The following MYO18B variants were observed in gnomAD, a reference collection of about 807,000 sequenced individuals.
The protein encoded by MYO18B is myosin XVIIIB, also known as unconventional myosin-XVIIIb.
A neutral mutation model predicts 273.0 loss-of-function variants in MYO18B; 204 were observed. The ratio of observed to expected loss-of-function variants is 0.75; its 90% CI spans 0.67 to 0.84. The LOEUF (loss-of-function observed/expected upper bound fraction) is 0.84. MYO18B is among the 40% of genes least tolerant of loss of function. The pLI, the probability that MYO18B is intolerant of heterozygous loss-of-function variation, is 0.00. For missense variants in MYO18B, 3,212 were observed against 3,287.6 expected (o/e 0.98, Z 0.56); for synonymous variants, 1,330 against 1,305.7 (o/e 1.02, Z -0.40).
chr22:25,824,808 C>G lies in MYO18B; in HGVS notation c.2695+1130C>G, dbSNP rs2089426465. Among the ~76,000 whole-genome samples the G allele has an allele frequency of 2.0e-5, 3 of 151,858 alleles. No homozygotes were observed. In the South Asian group the frequency reaches 6.2e-4, roughly 32 times the overall value. ...ACACACATTCCCAGAAGCATACACACACATGCTTATGCACACATGGTGTGC... is the reference window on the plus strand; with the variant it reads ...ACACACATTCCCAGAAGCATACACAGACATGCTTATGCACACATGGTGTGC... On this transcript the variant is annotated intron_variant, in intron 13 of 43. Coordinates refer to ENST00000335473, the MANE Select transcript of MYO18B (RefSeq NM_032608.7).
intron 25 of MYO18B, 99 bp from the exon 26 acceptor site, chr22:25,890,657 T>C: frequency 6.7e-7 from 1 of 1,497,642 alleles, no homozygotes; most frequent in Non-Finnish European, 9.0e-7. Context: ...TGCTTTCCCA[T>C]GATAGTGATT....
chr22:25,934,722 T>A (rs2092554835), intron 34 of MYO18B, among the ~76,000 whole-genome samples: 1 of 152,270 alleles, frequency 6.6e-6, no homozygotes, highest in South Asian at 2.1e-4. Flanking sequence ...AATGGTTGCA[T>A]TCTTTTGAGT....
intron 34 of MYO18B, among the ~76,000 whole-genome samples, chr22:25,936,156 T>C (rs2092575587): frequency 6.6e-6 from 1 of 152,162 alleles, no homozygotes; most frequent in Non-Finnish European, 1.5e-5. Context: ...AAAAGAGGGA[T>C]GTAAATGAGA....
chr22:25,790,107 T>C (rs2087592819), intron 11 of MYO18B, among the ~76,000 whole-genome samples: 1 of 152,126 alleles, frequency 6.6e-6, no homozygotes, highest in Non-Finnish European at 1.5e-5. Context: ...GAGCCGAGAT[T>C]GCGCCACTGC....
At chr22:25,899,853 T>C (rs1027032736) in intron 29 of MYO18B, 2 of 115,708 alleles carry the variant, frequency 1.7e-5, no homozygotes, top group Non-Finnish European at 1.9e-5. Context: ...GGTCATCTGA[T>C]CTGGAAGAAT....
At chr22:26,038,996 CATTATT>C in the MYO18B span, among the ~76,000 whole-genome samples, 2 of 152,110 alleles carry the variant, frequency 1.3e-5, no homozygotes, top group Non-Finnish European at 2.9e-5. Context: ...GAGCTGCTGT[CATTATT>C]ATTGTGGCTG....
chr22:25,876,396 C>T, intron 24 of MYO18B, 64 bp downstream of exon 24: 1 of 1,507,684 alleles, frequency 6.6e-7, no homozygotes, highest in Non-Finnish European at 8.9e-7. Flanking sequence ...CTCCTGTTTG[C>T]ATCTAGCACC....
Position 25,908,371 on chromosome 22 carries a change from A to T in MYO18B, c.5198A>T (p.Gln1733Leu), listed in dbSNP as rs749155892. Residue 1733 changes from glutamine (Q) to leucine (L), a missense_variant, in exon 32 of 44, where the codon CAG becomes CTG. Physicochemically the swap from Gln to Leu is moderately radical, Grantham distance 113. Coordinates refer to ENST00000335473, the MANE Select transcript of MYO18B (RefSeq NM_032608.7). ...ATCGAGCGGATGAAGCAGATGCACC[A>T]GAAGGACCGTGAGGACCAGGAGGAG... is the stretch of plus-strand genomic sequence containing the variant. ...LEIERMKQMH[Q>L]KDREDQEEEL... The T allele has an allele frequency of 1.9e-6, 3 of 1,603,442 alleles. No homozygotes were observed. Among genetic ancestry groups the T allele is most frequent in the Non-Finnish European group, 8.5e-7 (1 of 1,175,276 alleles).
intron 35 of MYO18B, among the ~76,000 whole-genome samples, chr22:25,947,144 C>G (rs1249789449): frequency 6.6e-6 from 1 of 151,960 alleles, no homozygotes; most frequent in Non-Finnish European, 1.5e-5. Flanking sequence ...TACATGCGCA[C>G]ACGTGTATAC....
At position 26,004,192 on chromosome 22, in the gene MYO18B, G is replaced by A. The variant is rs529873471; in HGVS notation, c.6333-526G>A. Among the ~76,000 whole-genome samples the A allele has an allele frequency of 1.5e-3, 229 of 151,864 alleles. 1 individual carries two copies. Among genetic ancestry groups the A allele is most frequent in the African/African-American group, 5.0e-3 (206 of 41,406 alleles). ...ATGTTGAATGAGTATATCAACTTACGTGGTCTCATTGAGGACCTGTGACGA... is the reference window on the plus strand; with the variant it reads ...ATGTTGAATGAGTATATCAACTTACATGGTCTCATTGAGGACCTGTGACGA... On this transcript the variant is annotated intron_variant, in intron 41 of 43. Transcript: ENST00000335473.
intron 28 of MYO18B, chr22:25,897,774 G>A (rs990423187): frequency 2.6e-5 from 4 of 152,434 alleles, no homozygotes; most frequent in African/African-American, 9.7e-5. Context: ...TTTCCTGGAG[G>A]AAGATGCAAG....
rs1230092520 is a variant in MYO18B, at chr22:26,026,837, C to T, written c.6863C>T (p.Thr2288Ile). ...LPIYQTTGAS[T>I]LRRGRAGSDE... Reference sequence around the variant, plus strand: ...ATTTACCAGACGACTGGGGCCTCCACACTAAGGAGGGGCAGGGCTGGCAGT... The same window carrying T: ...ATTTACCAGACGACTGGGGCCTCCATACTAAGGAGGGGCAGGGCTGGCAGT... Residue 2288 changes from threonine to isoleucine, a missense_variant, in exon 43 of 44, where the codon ACA (threonine) becomes ATA (isoleucine). Coordinates refer to ENST00000335473, the MANE Select transcript of MYO18B (RefSeq NM_032608.7). 1.9e-6 allele frequency: 3 copies of T among 1,593,882 alleles called. No homozygotes were observed. Among genetic ancestry groups the T allele is most frequent in the Non-Finnish European group, 2.6e-6 (3 of 1,170,400 alleles).
At chr22:25,807,221 C>G (rs1234327687) in intron 12 of MYO18B, among the ~76,000 whole-genome samples, 1 of 152,202 alleles carries the variant, frequency 6.6e-6, no homozygotes, top group African/African-American at 2.4e-5. Flanking sequence ...CAGTTCTAGA[C>G]TCTCAGCTCA....
chr22:25,945,553 T>A (rs1360095547), intron 34 of MYO18B, among the ~76,000 whole-genome samples: 1 of 152,040 alleles, frequency 6.6e-6, no homozygotes, highest in Non-Finnish European at 1.5e-5. Context: ...ATTTGCTTTC[T>A]CCCAGGTGTG....
rs144841943 is a variant in MYO18B, at chr22:25,823,201, T to A, written c.2522-304T>A. On this transcript the variant is annotated intron_variant, in intron 12 of 43. Coordinates refer to ENST00000335473, the MANE Select transcript of MYO18B (RefSeq NM_032608.7). The stretch of plus-strand genomic sequence containing the variant: ...ATGGATATGTGGGTGGGTGAATCAA[T>A]CATAATTTTACCAACCATCCCCCAA... Among the ~76,000 whole-genome samples, 248 of 152,248 alleles carry A rather than the reference T, an allele frequency of 1.6e-3. 1 individual carries two copies. The highest frequency in any genetic ancestry group is 5.7e-3 in the African/African-American group (236 of 41,534).
At chr22:25,817,604 A>C (rs1169519718) in intron 12 of MYO18B, among the ~76,000 whole-genome samples, 12 of 152,054 alleles carry the variant, frequency 7.9e-5, no homozygotes, top group Non-Finnish European at 1.8e-4. Flanking sequence ...CTGGTTAGGT[A>C]ACTACTCTTT....
chr22:26,004,489 T>C (rs927534950), intron 41 of MYO18B, among the ~76,000 whole-genome samples: 4 of 152,214 alleles, frequency 2.6e-5, no homozygotes, highest in Admixed American at 6.5e-5. Context: ...AATTTCATCA[T>C]TGACTAGCTG....
chr22:26,057,227 A>G, the MYO18B span, among the ~76,000 whole-genome samples: 15 of 152,154 alleles, frequency 9.9e-5, no homozygotes, highest in Admixed American at 9.8e-4. Context: ...AAAAAAGGAT[A>G]TGTTTCCCAC....
At chr22:25,839,183 TGA>T (rs2090007202) in intron 17 of MYO18B, among the ~76,000 whole-genome samples, 1 of 151,976 alleles carries the variant, frequency 6.6e-6, no homozygotes, top group Non-Finnish European at 1.5e-5. Flanking sequence ...TATATATGTA[TGA>T]GTGTGTTTGT....
Sources: gnomAD v4.1 joint callset for allele counts (sites outside exome capture counted in the v4.1 genomes callset) on GRCh38, gnomAD v4.1.1 for gene constraint, MANE v1.5 for transcripts, NCBI Gene and HGNC (gene_info 2026-07-23, HGNC 2026-07-21) for gene names.